DNAH11: variants seen among roughly 807,000 people sequenced by gnomAD.
The protein encoded by DNAH11 is axonemal beta dynein heavy chain 11.
A neutral mutation model predicts 526.0 loss-of-function variants in DNAH11; 442 were observed. That is an observed-to-expected ratio of 0.84 (90% CI 0.78 to 0.91). The LOEUF is 0.91. DNAH11 is among the 40% of genes least tolerant of loss of function. The probability of loss-of-function intolerance (pLI) is 0.00; values close to 1 mark genes in which losing one functional copy is unlikely to be tolerated. For missense variants in DNAH11, 6,989 were observed against 5,448.7 expected (o/e 1.28, Z -8.90); for synonymous variants, 2,461 against 1,935.9 (o/e 1.27, Z -7.12).
At position 21,717,833 on chromosome 7, in the gene DNAH11, ATTC is replaced by A. The variant is rs1314098402; in HGVS notation, c.7045_7047del (p.Leu2349del). On this transcript the variant is annotated inframe_deletion, in exon 43 of 82. Coordinates refer to ENST00000409508, the MANE Select transcript of DNAH11 (RefSeq NM_001277115.2). ...TCAATCAGAAAAGGCCAATTTGACT[ATTC>A]TTTTTGATAAATATGTCCCTGCATG... 1 of 1,613,858 alleles carries A rather than the reference ATTC, an allele frequency of 6.2e-7. No individual in the cohort carries two copies. Among genetic ancestry groups the A allele is most frequent in the Admixed American group, 1.7e-5 (1 of 59,972 alleles).
intron 45 of DNAH11, among the ~76,000 whole-genome samples, chr7:21,731,351 A>G (rs968440638): frequency 3.3e-5 from 5 of 152,288 alleles, no homozygotes; most frequent in African/African-American, 9.6e-5. Context: ...GAGAAACCCA[A>G]CTGCACATAG....
rs115156426 is a variant in DNAH11, at chr7:21,648,569, C to G, written c.4945-7263C>G. On this transcript the variant is annotated intron_variant, in intron 28 of 81. Coordinates refer to ENST00000409508, the MANE Select transcript of DNAH11 (RefSeq NM_001277115.2). ...CACACACATGAGAGAAGCCACCGAT[C>G]ACCAGCAGGCTACAAATATGTGGGA... Among the ~76,000 whole-genome samples the G allele has an allele frequency of 5.2e-3, 793 of 152,302 alleles. 4 individuals carry two copies. Among genetic ancestry groups the G allele is most frequent in the African/African-American group, 0.018 (731 of 41,558 alleles).
chr7:21,808,552 C>G (rs1431158654), intron 63 of DNAH11, among the ~76,000 whole-genome samples: 2 of 152,168 alleles, frequency 1.3e-5, no homozygotes, highest in African/African-American at 4.8e-5. Flanking sequence ...ACTTCCCTCC[C>G]TCTGGTTCTC....
At chr7:21,544,781 A>G (rs894165622) in intron 1 of DNAH11, among the ~76,000 whole-genome samples, 2 of 152,060 alleles carry the variant, frequency 1.3e-5, no homozygotes, top group Admixed American at 1.3e-4. Context: ...TTAAAAGGTG[A>G]TATTTCCACA....
At chr7:21,666,292 A>G (rs1782418589) in intron 30 of DNAH11, among the ~76,000 whole-genome samples, 1 of 152,096 alleles carries the variant, frequency 6.6e-6, no homozygotes, top group African/African-American at 2.4e-5. Flanking sequence ...CAAGTATGAT[A>G]AATTTAATTT....
intron 65 of DNAH11, among the ~76,000 whole-genome samples, chr7:21,841,044 C>T (rs542393787): frequency 4.7e-4 from 72 of 152,032 alleles, no homozygotes; most frequent in Non-Finnish European, 7.9e-4. Flanking sequence ...ATTAGCTGGG[C>T]GTGGTGGCAT....
intron 25 of DNAH11, among the ~76,000 whole-genome samples, chr7:21,626,219 C>T (rs948653337): frequency 6.6e-6 from 1 of 152,164 alleles, no homozygotes; most frequent in African/African-American, 2.4e-5. Flanking sequence ...TGATATTTGT[C>T]TTTCTATGCT....
chr7:21,728,238 T>C (rs1033475015), intron 45 of DNAH11, among the ~76,000 whole-genome samples: 2 of 1,804 alleles, frequency 1.1e-3, no homozygotes, highest in African/African-American at 1.5e-3. Context: ...CCCACAATTC[T>C]TTTTTTTTTT....
intron 66 of DNAH11, among the ~76,000 whole-genome samples, chr7:21,846,271 A>G (rs1782414158): frequency 6.6e-6 from 1 of 152,206 alleles, no homozygotes; most frequent in Non-Finnish European, 1.5e-5. Flanking sequence ...TACAATGTTG[A>G]GTAGGAGTGG....
chr7:21,547,995 C>T (rs747320499), intron 2 of DNAH11, among the ~76,000 whole-genome samples: 2 of 152,102 alleles, frequency 1.3e-5, no homozygotes, highest in African/African-American at 2.4e-5. Flanking sequence ...AGGAGGAATA[C>T]GACATCCCAT....
intron 25 of DNAH11, among the ~76,000 whole-genome samples, chr7:21,628,622 C>A (rs935177441): frequency 1.3e-5 from 2 of 152,018 alleles, no homozygotes; most frequent in Non-Finnish European, 2.9e-5. Context: ...AACTGTCCTT[C>A]TATCTCTGGA....
chr7:21,739,245 C>CT (rs910271072), intron 47 of DNAH11, among the ~76,000 whole-genome samples: 4 of 152,182 alleles, frequency 2.6e-5, no homozygotes, highest in African/African-American at 9.7e-5. Flanking sequence ...TGACAATTAA[C>CT]TACAGGGACA....
chr7:21,724,302 A>G (rs974572289), intron 44 of DNAH11, among the ~76,000 whole-genome samples: 5 of 152,186 alleles, frequency 3.3e-5, no homozygotes, highest in Non-Finnish European at 5.9e-5. Flanking sequence ...TAAAGTCATA[A>G]CTCATGCATG....
intron 30 of DNAH11, among the ~76,000 whole-genome samples, 161 bp from the exon 31 acceptor site, chr7:21,681,385 C>A (rs996327778): frequency 6.6e-6 from 1 of 152,028 alleles, no homozygotes; most frequent in Non-Finnish European, 1.5e-5. Flanking sequence ...AGAGATCATG[C>A]CACTGCACTC....
At position 21,702,737 on chromosome 7, in the gene DNAH11, A is replaced by G. The variant is rs768571959; in HGVS notation, c.6208A>G (p.Ile2070Val). 6.8e-6 allele frequency: 11 copies of G among 1,613,626 alleles called. No individual in the cohort carries two copies. Among genetic ancestry groups the G allele is most frequent in the South Asian group, 4.4e-5 (4 of 91,062 alleles). The part of the protein sequence containing the change: ...QDHYDWGLRA[I>V]KSVLVVAGSL... The stretch of plus-strand genomic sequence containing the variant: ...TCATTACGACTGGGGACTTCGTGCT[A>G]TTAAGTCTGTCTTGGTTGTGGCTGG... Residue 2070 changes from isoleucine to valine, a missense_variant, in exon 37 of 82, where the codon ATT becomes GTT. Ile to Val is a conservative substitution (Grantham distance 29). Transcript: ENST00000409508.
chr7:21,806,669 C>A (rs563191052), intron 62 of DNAH11, among the ~76,000 whole-genome samples: 2 of 152,284 alleles, frequency 1.3e-5, no homozygotes, highest in South Asian at 2.1e-4. Context: ...CTTGTACTAA[C>A]AAATTGCTGA....
chr7:21,693,402 C>G (rs557158845), intron 35 of DNAH11, among the ~76,000 whole-genome samples: 1 of 152,260 alleles, frequency 6.6e-6, no homozygotes, highest in South Asian at 2.1e-4. Flanking sequence ...TTTTAAAAAT[C>G]TATGCCATGA....
chr7:21,823,150 G>A (rs1396734885), intron 65 of DNAH11, among the ~76,000 whole-genome samples: 2 of 151,776 alleles, frequency 1.3e-5, no homozygotes, highest in East Asian at 1.9e-4. Context: ...GTATATTGTT[G>A]CTTTTGTTGC....
intron 61 of DNAH11, among the ~76,000 whole-genome samples, chr7:21,797,362 G>T (rs1304199063): frequency 2.0e-5 from 3 of 148,670 alleles, no homozygotes; most frequent in Non-Finnish European, 2.9e-5. Flanking sequence ...TGGCATTACA[G>T]GCCTGCGCCA....
Sources: allele counts gnomAD v4.1 joint callset (sites outside exome capture counted in the v4.1 genomes callset), GRCh38; gene constraint gnomAD v4.1.1; transcripts MANE v1.5; gene names NCBI Gene and HGNC (gene_info 2026-07-23, HGNC 2026-07-21).